Variants in ATP13A5 observed in about 807,000 individuals in gnomAD.
ATP13A5 encodes probable cation-transporting ATPase 13A5.
In ATP13A5, 149 loss-of-function variants were observed where a neutral mutation model predicts 150.2. The ratio of observed to expected loss-of-function variants is 0.99; its 90% CI spans 0.87 to 1.14. The LOEUF (loss-of-function observed/expected upper bound fraction) is 1.14, where lower values mean the gene tolerates loss of function less well. Ranked by LOEUF, ATP13A5 falls within the 50% of genes most tolerant of loss-of-function variation. The probability of loss-of-function intolerance (pLI) is 0.00; values close to 1 mark genes in which losing one functional copy is unlikely to be tolerated. For synonymous variants in ATP13A5, 497 were observed against 522.2 expected (o/e 0.95, Z 0.66); for missense variants, 1,383 against 1,449.3 (o/e 0.95, Z 0.74).
chr3:193,337,026 A>T (rs1286123640), intron 9 of ATP13A5, among the ~76,000 whole-genome samples: 2 of 152,164 alleles, frequency 1.3e-5, no homozygotes, highest in Non-Finnish European at 2.9e-5. Context: ...TTGGCTGCAT[A>T]AATGTCTTCT....
chr3:193,306,793 T>A (rs1718635268), intron 22 of ATP13A5, among the ~76,000 whole-genome samples: 1 of 152,222 alleles, frequency 6.6e-6, no homozygotes, highest in African/African-American at 2.4e-5. Flanking sequence ...TTCTATAGCA[T>A]AAAATAACTA....
At chr3:193,364,913 C>T (rs543513444) in intron 1 of ATP13A5, among the ~76,000 whole-genome samples, 1 of 152,262 alleles carries the variant, frequency 6.6e-6, no homozygotes, top group South Asian at 2.1e-4. Flanking sequence ...AATATTTGGA[C>T]TCTCACTAGT....
intron 1 of ATP13A5, among the ~76,000 whole-genome samples, chr3:193,367,270 A>G (rs2108582728): frequency 6.6e-6 from 1 of 152,208 alleles, no homozygotes; most frequent in South Asian, 2.1e-4. Flanking sequence ...GGTACCCTGA[A>G]AAGATTAATA....
At chr3:193,344,954 T>C (rs1362573919) in intron 8 of ATP13A5, 49 bp downstream of exon 8, 4 of 1,498,890 alleles carry the variant, frequency 2.7e-6, no homozygotes, top group East Asian at 2.3e-5. Context: ...TGAGACCAAT[T>C]CCCCCCTGAA....
intron 14 of ATP13A5, among the ~76,000 whole-genome samples, chr3:193,324,208 C>T (rs886361356): frequency 2.0e-5 from 3 of 152,084 alleles, no homozygotes; most frequent in Non-Finnish European, 4.4e-5. Flanking sequence ...TATACCCTTC[C>T]GTTTTCATTC....
rs1718705389 is a variant in ATP13A5 at position 193,308,444 on chromosome 3, G to A, written c.2526-1075C>T. On this transcript the variant is annotated intron_variant, in intron 21 of 29. Coordinates refer to ENST00000342358, the MANE Select transcript of ATP13A5 (RefSeq NM_198505.4). ...GCTGCACTCCAGCCTGGGCAACAAA[G>A]CGAGACTCTGTCTCAAAAACAAAAA... Among the ~76,000 whole-genome samples, 4 of 152,184 alleles carry A rather than the reference G, an allele frequency of 2.6e-5. No individual in the cohort carries two copies. The South Asian group carries it at 8.3e-4, about 32-fold the overall frequency.
chr3:193,337,523 G>C (rs1336762865), intron 9 of ATP13A5, among the ~76,000 whole-genome samples: 1 of 151,844 alleles, frequency 6.6e-6, no homozygotes, highest in Non-Finnish European at 1.5e-5. Context: ...GTTTTTGTCA[G>C]GTTTGTCAGA....
intron 1 of ATP13A5, among the ~76,000 whole-genome samples, chr3:193,365,724 T>C (rs1462023710): frequency 6.6e-6 from 1 of 152,104 alleles, no homozygotes; most frequent in African/African-American, 2.4e-5. Flanking sequence ...TGAAATGAGC[T>C]CATTCATAAA....
chr3:193,275,208 A>G lies in ATP13A5; in HGVS notation c.3491T>C (p.Leu1164Pro). The G allele has an allele frequency of 6.2e-7, 1 of 1,614,194 alleles. No individual in the cohort carries two copies. Among genetic ancestry groups the G allele is most frequent in the African/African-American group, 1.3e-5 (1 of 75,038 alleles). The change falls in exon 30 of 30, where the codon CTA becomes CCA. Residue 1164 changes from leucine (L) to proline (P), a missense_variant. By Grantham distance (98) the Leu-to-Pro change is moderately conservative. Around this residue, in one of 3 missense-constraint regions of ATP13A5, gnomAD observed 568 missense variants for 621.5 expected, o/e 0.91. Coordinates refer to ENST00000342358, the MANE Select transcript of ATP13A5 (RefSeq NM_198505.4). ...GGGAGGCCAGGTTGAGTCTTCTGCT[A>G]GCTTCTTTTGCCAAGTCCTATATTG... ...KSQYRTWQKK[L>P]AEDSTWPPIN... is the part of the protein sequence containing the mutation.
At chr3:193,344,734 G>A (rs1266859291) in intron 8 of ATP13A5, among the ~76,000 whole-genome samples, 2 of 152,148 alleles carry the variant, frequency 1.3e-5, no homozygotes, top group Non-Finnish European at 2.9e-5. Context: ...CGGAATGAGG[G>A]CTTGGGTGAG....
chr3:193,368,007 G>A (rs1409983203), intron 1 of ATP13A5, among the ~76,000 whole-genome samples: 1 of 149,710 alleles, frequency 6.7e-6, no homozygotes, highest in Non-Finnish European at 1.5e-5. Context: ...GGAGGGGAGG[G>A]GAGGGGAAGG....
intron 23 of ATP13A5, among the ~76,000 whole-genome samples, chr3:193,304,642 T>C (rs1206458897): frequency 6.6e-6 from 1 of 152,210 alleles, no homozygotes; most frequent in East Asian, 1.9e-4. Flanking sequence ...TGTTTTGTTC[T>C]TAACTACATT....
intron 7 of ATP13A5, among the ~76,000 whole-genome samples, chr3:193,348,087 C>T (rs533534868): frequency 6.6e-6 from 1 of 152,240 alleles, no homozygotes; most frequent in African/African-American, 2.4e-5. Flanking sequence ...TAATGTTAGC[C>T]TCCTCTTTGA....
intron 26 of ATP13A5, among the ~76,000 whole-genome samples, chr3:193,285,349 G>T (rs950612608): frequency 6.6e-6 from 1 of 152,118 alleles, no homozygotes; most frequent in Non-Finnish European, 1.5e-5. Context: ...CCTTGAAAGG[G>T]CCTGGATGAC....
At chr3:193,306,332 C>T (rs1212356952) in intron 22 of ATP13A5, among the ~76,000 whole-genome samples, 1 of 151,934 alleles carries the variant, frequency 6.6e-6, no homozygotes, top group African/African-American at 2.4e-5. Flanking sequence ...ACAATGAACT[C>T]TTTAGGAGGC....
At chr3:193,369,193 A>C (rs1024128252) in intron 1 of ATP13A5, among the ~76,000 whole-genome samples, 1 of 152,174 alleles carries the variant, frequency 6.6e-6, no homozygotes, top group Admixed American at 6.5e-5. Context: ...TTAGTGAGCC[A>C]TAATTGCACC....
intron 22 of ATP13A5, 71 bp from the exon 23 acceptor site, chr3:193,305,739 C>A: frequency 8.1e-7 from 1 of 1,239,662 alleles, no homozygotes. Context: ...CACCAAGAGG[C>A]TGTTCTTCAC....
At chr3:193,298,957 A>T (rs1313701559) in intron 25 of ATP13A5, among the ~76,000 whole-genome samples, 174 bp downstream of exon 25, 1 of 152,176 alleles carries the variant, frequency 6.6e-6, no homozygotes, top group East Asian at 1.9e-4. Context: ...TTTTAATGCC[A>T]AGTCTCAGGA....
chr3:193,306,213 G>A (rs1290116374), intron 22 of ATP13A5, among the ~76,000 whole-genome samples: 1 of 150,724 alleles, frequency 6.6e-6, no homozygotes, highest in East Asian at 1.9e-4. Context: ...ATAAATAATA[G>A]GACATTTTCT....
Sources: gnomAD v4.1 joint callset for allele counts (sites outside exome capture counted in the v4.1 genomes callset) on GRCh38, gnomAD v4.1.1 for gene constraint, gnomAD v4.1.1 regional missense constraint, MANE v1.5 for transcripts, NCBI Gene and HGNC (gene_info 2026-07-23, HGNC 2026-07-21) for gene names.